The following PELI2 variants were observed in gnomAD, a reference collection of about 807,000 sequenced individuals.
PELI2 encodes pellino E3 ubiquitin protein ligase family member 2, also known as E3 ubiquitin-protein ligase pellino homolog 2.
Under a neutral mutation model 42.3 loss-of-function variants are expected in PELI2, and 23 were observed. The observed-to-expected ratio is 0.54, with a 90% CI of 0.39 to 0.77. PELI2 has a LOEUF of 0.77. Ranked by LOEUF, PELI2 falls within the 30% of genes least tolerant of loss-of-function variation. The pLI, the probability that PELI2 is intolerant of heterozygous loss-of-function variation, is 0.00. For missense variants in PELI2, 463 were observed against 553.2 expected, an observed-to-expected ratio of 0.84 and a Z score of 1.64; for synonymous variants, 245 against 212.2, an observed-to-expected ratio of 1.15 and a Z score of -1.34.
Position 56,180,918 on chromosome 14 carries a change from T to C in PELI2, c.207+2454T>C, listed in dbSNP as rs1885552226. On this transcript the variant is annotated intron_variant, in intron 2 of 5. Coordinates refer to ENST00000267460, the MANE Select transcript of PELI2 (RefSeq NM_021255.3). This position sits in a 1 kb window ranked among gnomAD's most constrained non-coding sequence, Gnocchi z 4.4. ...ACCCCTCCCACTTCCTGGCTTTAAC[T>C]GAATCTGATTTTCAATGAATGCACT... 6.6e-6 allele frequency among the ~76,000 whole-genome samples: 1 copy of C among 152,198 alleles called. No homozygotes were observed. The highest frequency in any genetic ancestry group is 2.4e-5 in the African/African-American group (1 of 41,446).
At chr14:56,239,403 T>C (rs1887900445) in intron 2 of PELI2, among the ~76,000 whole-genome samples, 1 of 152,202 alleles carries the variant, frequency 6.6e-6, no homozygotes, top group African/African-American at 2.4e-5. Flanking sequence ...TTACTATCAG[T>C]TATTTGAGTT....
intron 2 of PELI2, among the ~76,000 whole-genome samples, chr14:56,209,645 G>T (rs1192063273): frequency 6.6e-6 from 1 of 152,206 alleles, no homozygotes; most frequent in Non-Finnish European, 1.5e-5. Context: ...AATGCCCACA[G>T]ATATATGAAC....
intron 1 of PELI2, among the ~76,000 whole-genome samples, chr14:56,122,618 G>A (rs1458853068): frequency 6.7e-6 from 1 of 149,438 alleles, no homozygotes; most frequent in Non-Finnish European, 1.5e-5. Flanking sequence ...TTCTTTTGAT[G>A]CTTCACAAAA....
At chr14:56,160,785 G>A (rs766412450) in intron 1 of PELI2, among the ~76,000 whole-genome samples, 1 of 152,220 alleles carries the variant, frequency 6.6e-6, no homozygotes, top group Non-Finnish European at 1.5e-5. Flanking sequence ...AAGAATTTTG[G>A]GATCTTTTAA....
intron 2 of PELI2, among the ~76,000 whole-genome samples, chr14:56,198,516 G>A (rs1234533235): frequency 2.0e-5 from 3 of 152,174 alleles, no homozygotes; most frequent in African/African-American, 7.2e-5. Context: ...TAAAGGAAGG[G>A]ACTTAGATTT....
intron 2 of PELI2, among the ~76,000 whole-genome samples, chr14:56,255,021 CT>C (rs1477843505): frequency 9.2e-5 from 14 of 152,162 alleles, no homozygotes; most frequent in African/African-American, 3.1e-4. Flanking sequence ...AATGGGAACG[CT>C]TTTACACTGT....
At chr14:56,296,237 ACAT>A (rs1410255180) in intron 5 of PELI2, among the ~76,000 whole-genome samples, 1 of 152,204 alleles carries the variant, frequency 6.6e-6, no homozygotes, top group Non-Finnish European at 1.5e-5. Flanking sequence ...GACTGGTAGG[ACAT>A]CTCTCATCCT....
chr14:56,295,393 G>A (rs1186902244), intron 5 of PELI2, among the ~76,000 whole-genome samples: 1 of 151,978 alleles, frequency 6.6e-6, no homozygotes, highest in Non-Finnish European at 1.5e-5. Context: ...GTTCAGCCTG[G>A]CTGCACAGCC....
intron 1 of PELI2, among the ~76,000 whole-genome samples, chr14:56,120,367 G>A (rs1457394904): frequency 6.6e-6 from 1 of 152,212 alleles, no homozygotes; most frequent in Non-Finnish European, 1.5e-5. Flanking sequence ...TCATTGTTGA[G>A]ATGTTTCAGA....
intron 2 of PELI2, among the ~76,000 whole-genome samples, chr14:56,248,852 G>T (rs1888248182): frequency 6.6e-6 from 1 of 152,004 alleles, no homozygotes; most frequent in African/African-American, 2.4e-5. Flanking sequence ...GAGAAGGGCA[G>T]TCCATGTGCT....
intron 2 of PELI2, among the ~76,000 whole-genome samples, chr14:56,200,491 A>G (rs1048329760): frequency 2.0e-5 from 3 of 151,934 alleles, no homozygotes; most frequent in African/African-American, 7.2e-5. Flanking sequence ...TAACTACCAC[A>G]CTCTACTGCC....
intron 2 of PELI2, among the ~76,000 whole-genome samples, chr14:56,272,630 A>G (rs1035758980): frequency 6.6e-6 from 1 of 152,216 alleles, no homozygotes; most frequent in Middle Eastern, 3.2e-3. Flanking sequence ...CTCTGGCAAT[A>G]CTTTGAATGA....
intron 2 of PELI2, among the ~76,000 whole-genome samples, chr14:56,211,840 C>A (rs1262690916): frequency 1.3e-5 from 2 of 151,888 alleles, no homozygotes; most frequent in South Asian, 4.2e-4. Flanking sequence ...GGCAATCCAT[C>A]TCTTCTTTTT....
At chr14:56,213,875 A>G (rs1337094646) in intron 2 of PELI2, among the ~76,000 whole-genome samples, 1 of 152,130 alleles carries the variant, frequency 6.6e-6, no homozygotes, top group Admixed American at 6.5e-5. Flanking sequence ...TTTTTGAGAC[A>G]GGGTCTCACT....
In PELI2 at chr14:56,184,119, G is replaced by A. The variant is rs114410425; in HGVS notation, c.207+5655G>A. 3.2e-3 allele frequency among the ~76,000 whole-genome samples: 482 copies of A among 152,088 alleles called. 2 individuals carry two copies. Among genetic ancestry groups the A allele is most frequent in the African/African-American group, 0.011 (462 of 41,536 alleles). On this transcript the variant is annotated intron_variant, in intron 2 of 5. Transcript: ENST00000267460. Reference sequence around the variant, plus strand: ...TGAGATGACTGTTTGGACCTTTAACGGTCAGCCGAAGATGGGAATATTCAT... The same window carrying A: ...TGAGATGACTGTTTGGACCTTTAACAGTCAGCCGAAGATGGGAATATTCAT...
chr14:56,178,233 T>G, intron 1 of PELI2, 102 bp from the exon 2 acceptor site: 1 of 1,239,214 alleles, frequency 8.1e-7, no homozygotes. Context: ...GGCAATTCTT[T>G]TATGACCATT....
chr14:56,232,741 G>A (rs1008889762), intron 2 of PELI2, among the ~76,000 whole-genome samples: 1 of 129,954 alleles, frequency 7.7e-6, no homozygotes, highest in Admixed American at 8.3e-5. Context: ...TCAACATACT[G>A]TTGGAAGTTC....
chr14:56,229,688 T>C (rs935453524), intron 2 of PELI2, among the ~76,000 whole-genome samples: 3 of 152,000 alleles, frequency 2.0e-5, no homozygotes, highest in African/African-American at 7.2e-5. Context: ...GAGTGCCTCT[T>C]CTCCCCCAAA....
At position 56,273,683 on chromosome 14, in the gene PELI2, A is replaced by C. The variant is rs542440644; in HGVS notation, c.208-5993A>C. 1.3e-5 allele frequency among the ~76,000 whole-genome samples: 2 copies of C among 152,332 alleles called. No individual in the cohort carries two copies. Among genetic ancestry groups the C allele is most frequent in the South Asian group, 4.1e-4 (2 of 4,830 alleles). On this transcript the variant is annotated intron_variant, in intron 2 of 5. Transcript: ENST00000267460. This position sits in a 1 kb window ranked among gnomAD's most constrained non-coding sequence, Gnocchi z 4.3. ...AGGTAATAATGCTAACTGTATGTGA[A>C]CAACAGTGGCAAGAGAGGGCTCAGG...
Sources: allele counts gnomAD v4.1 joint callset (sites outside exome capture counted in the v4.1 genomes callset), GRCh38; gene constraint gnomAD v4.1.1; non-coding constraint Gnocchi (gnomAD v3.1); transcripts MANE v1.5; gene names NCBI Gene and HGNC (gene_info 2026-07-23, HGNC 2026-07-21).